STKLD1: variants seen among roughly 807,000 people sequenced by gnomAD.
STKLD1 encodes the protein serine/threonine kinase-like domain-containing protein STKLD1.
In STKLD1, 79 loss-of-function variants were observed where a neutral mutation model predicts 80.4. The observed-to-expected ratio is 0.98, with a 90% CI of 0.82 to 1.19. The LOEUF (loss-of-function observed/expected upper bound fraction) is 1.19, where lower values mean the gene tolerates loss of function less well. STKLD1 is among the 50% of genes most tolerant of loss of function. STKLD1 has a pLI of 0.00. For synonymous variants in STKLD1, 393 were observed against 357.6 expected (o/e 1.10, Z -1.12); for missense variants, 841 against 856.0 (o/e 0.98, Z 0.22).
chr9:133,400,063 T>A (rs970574396), intron 11 of STKLD1, among the ~76,000 whole-genome samples: 5 of 152,062 alleles, frequency 3.3e-5, no homozygotes, highest in African/African-American at 1.2e-4. Context: ...CACCCACCCA[T>A]GTCCACCCTC....
chr9:133,388,654 C>T (rs188794537), intron 5 of STKLD1: 26 of 751,816 alleles, frequency 3.5e-5, no homozygotes, highest in Non-Finnish European at 4.1e-5. Flanking sequence ...GTTTAAGAAG[C>T]ATTTCCTGCT....
intron 17 of STKLD1, 105 bp downstream of exon 17, chr9:133,405,034 C>A (rs1564387058): frequency 1.3e-6 from 2 of 1,492,776 alleles, no homozygotes; most frequent in East Asian, 4.6e-5. Flanking sequence ...TGGGCTCAAC[C>A]CCACTTCTCG....
At chr9:133,383,246 ATGG>A (rs1428012358) in intron 2 of STKLD1, among the ~76,000 whole-genome samples, 2 of 119,260 alleles carry the variant, frequency 1.7e-5, no homozygotes, top group Non-Finnish European at 3.6e-5. Flanking sequence ...GATGATGGTG[ATGG>A]TGGTGGTGTT....
intron 1 of STKLD1, among the ~76,000 whole-genome samples, chr9:133,377,916 T>G (rs1838035564): frequency 6.6e-6 from 1 of 152,180 alleles, no homozygotes; most frequent in African/African-American, 2.4e-5. Context: ...CTCGGGATGA[T>G]GGGAGACAGT....
rs140591493 is a variant in STKLD1, at chr9:133,405,520, A to G, written c.*99A>G. The G allele has an allele frequency of 8.8e-5, 110 of 1,254,638 alleles. No individual in the cohort carries two copies. In the East Asian group the frequency reaches 2.6e-3, roughly 29 times the overall value. 77.7% of individuals were successfully genotyped at this position (1,254,638 alleles called of 1,614,324 possible). On this transcript the variant is annotated 3_prime_UTR_variant, in exon 18 of 18. Coordinates refer to ENST00000371957, the MANE Select transcript of STKLD1 (RefSeq NM_153710.5). ...CATCTCTATGACTGGGCCAAAATCA[A>G]TCTTAAACGGGAGGGGTAATCAGAC...
chr9:133,382,602 ATGG>A (rs2130269720), intron 2 of STKLD1, among the ~76,000 whole-genome samples: 88 of 145,356 alleles, frequency 6.1e-4, no homozygotes, highest in African/African-American at 2.0e-3. Flanking sequence ...GATGATGGTG[ATGG>A]TGGTCATGGT....
chr9:133,402,026 C>A, intron 13 of STKLD1, 148 bp downstream of exon 13: 2 of 969,342 alleles, frequency 2.1e-6, no homozygotes, highest in Non-Finnish European at 3.0e-6. Flanking sequence ...TGGCCGTCTT[C>A]ATTTGGCCAC....
In STKLD1 at chr9:133,390,622, G is replaced by A. The variant is rs972791671; in HGVS notation, c.468-59G>A. 20 of 1,313,550 alleles carry A rather than the reference G, an allele frequency of 1.5e-5. No individual in the cohort carries two copies. Among genetic ancestry groups the A allele is most frequent in the Admixed American group, 5.1e-5 (3 of 59,230 alleles). The allele number at this position is 1,313,550 out of a possible 1,614,324, so 81.4% of individuals were successfully genotyped here. A position where few individuals can be genotyped will look rare whatever the true frequency, so the allele number is the denominator to read the frequency against. On this transcript the variant is annotated intron_variant, in intron 6 of 17. Transcript: ENST00000371957. The surrounding 1 kb of genome is among the most constrained non-coding windows in gnomAD (Gnocchi z 5.1). The stretch of plus-strand genomic sequence containing the variant: ...ACACTGGTCCCACCTGGGGTTGTGG[G>A]TGGTGGCTGCCCAGGTGGCCCCTTG...
rs1469358055 is a variant in STKLD1, at chr9:133,389,401, T to C, written c.397-125T>C. 2 of 1,479,782 alleles carry C rather than the reference T, an allele frequency of 1.4e-6. No individual in the cohort carries two copies. The highest frequency in any genetic ancestry group is 1.4e-5 in the African/African-American group (1 of 71,874). The allele number at this position is 1,479,782 out of a possible 1,614,324, so 91.7% of individuals were successfully genotyped here. On this transcript the variant is annotated intron_variant, in intron 5 of 17. Coordinates refer to ENST00000371957, the MANE Select transcript of STKLD1 (RefSeq NM_153710.5). The surrounding 1 kb of genome is among the most constrained non-coding windows in gnomAD (Gnocchi z 6.4). ...CCTCCACCCTGAGCGCTTGGCTGGCTTCAGGCCTGTCTCAAGATGCAAGGA... is the reference window on the plus strand; with the variant it reads ...CCTCCACCCTGAGCGCTTGGCTGGCCTCAGGCCTGTCTCAAGATGCAAGGA...
In STKLD1 at chr9:133,376,486, G is replaced by C; in HGVS notation, c.13G>C (p.Gly5Arg). ...GTCGCTACTGATCATGCTTGGGCCAGGGTCCAATCGCAGGCGCCCCACGCA... is the reference window on the plus strand; with the variant it reads ...GTCGCTACTGATCATGCTTGGGCCACGGTCCAATCGCAGGCGCCCCACGCA... Reference protein sequence around the residue: MLGPGSNRRRPTQGE... With the variant: MLGPRSNRRRPTQGE... The change falls in exon 1 of 18, where the codon GGG becomes CGG. Residue 5 changes from glycine to arginine, a missense_variant. Physicochemically the swap from Gly to Arg is moderately radical, Grantham distance 125. Coordinates refer to ENST00000371957, the MANE Select transcript of STKLD1 (RefSeq NM_153710.5). 1.3e-6 allele frequency: 2 copies of C among 1,593,302 alleles called. No individual in the cohort carries two copies. Among genetic ancestry groups the C allele is most frequent in the African/African-American group, 1.3e-5 (1 of 74,422 alleles).
chr9:133,405,464 T>G lies in STKLD1; in HGVS notation c.*43T>G, dbSNP rs916015633. 1.3e-6 allele frequency: 2 copies of G among 1,534,312 alleles called. No homozygotes were observed. The highest frequency in any genetic ancestry group is 2.8e-5 in the African/African-American group (2 of 72,656). ...ACCTTGATCTCCACGTGTATAGTTT[T>G]CAAGACTGCTCTCCTGCCTGCCTAT... On this transcript the variant is annotated 3_prime_UTR_variant, in exon 18 of 18. Transcript: ENST00000371957.
chr9:133,398,296 G>A (rs901175820), intron 11 of STKLD1, among the ~76,000 whole-genome samples: 1 of 152,230 alleles, frequency 6.6e-6, no homozygotes, highest in Non-Finnish European at 1.5e-5. Context: ...TGGAGCCACA[G>A]ACATCCCATC....
chr9:133,394,210 G>A lies in STKLD1; in HGVS notation c.584-81G>A, dbSNP rs956643015. 26 of 942,708 alleles carry A rather than the reference G, an allele frequency of 2.8e-5. No homozygotes were observed. Among genetic ancestry groups the A allele is most frequent in the Non-Finnish European group, 4.4e-5 (25 of 570,686 alleles). The allele number at this position is 942,708 out of a possible 1,614,324, so 58.4% of individuals were successfully genotyped here. A position where few individuals can be genotyped will look rare whatever the true frequency, so the allele number is the denominator to read the frequency against. ...GCGGGGGGCCACCAAAGGGGATACA[G>A]TGCTGGGCAGGGTGACTCTGTCAAG... is the stretch of plus-strand genomic sequence containing the variant. On this transcript the variant is annotated intron_variant, in intron 7 of 17. Transcript: ENST00000371957. The surrounding 1 kb of genome is among the most constrained non-coding windows in gnomAD (Gnocchi z 4.9).
rs1185743806 is a variant in STKLD1 at position 133,385,394 on chromosome 9, T to C, written c.220-223T>C. Among the ~76,000 whole-genome samples the C allele has an allele frequency of 2.6e-5, 4 of 152,106 alleles. No homozygotes were observed. The highest frequency in any genetic ancestry group is 2.6e-4 in the Admixed American group (4 of 15,272). On this transcript the variant is annotated intron_variant, in intron 3 of 17. Coordinates refer to ENST00000371957, the MANE Select transcript of STKLD1 (RefSeq NM_153710.5). The surrounding 1 kb of genome is among the most constrained non-coding windows in gnomAD (Gnocchi z 4.9). ...ACTAGGACCCCCATTTTCAGATGAC[T>C]ATATGAGGCCCAGTCACCCAGCACA...
intron 14 of STKLD1, among the ~76,000 whole-genome samples, chr9:133,403,232 G>T (rs887068352): frequency 6.6e-6 from 1 of 152,262 alleles, no homozygotes; most frequent in African/African-American, 2.4e-5. Flanking sequence ...GGCAGAGGCC[G>T]GGTTTCAGGA....
rs2130248299 is a variant in STKLD1 at position 133,376,477 on chromosome 9, C to T, written c.4C>T (p.Leu2Phe). Residue 2 changes from leucine (L) to phenylalanine (F), a missense_variant, in exon 1 of 18, where the codon CTT (leucine) becomes TTT (phenylalanine). Physicochemically the swap from Leu to Phe is conservative, Grantham distance 22. Transcript: ENST00000371957. M[L>F]GPGSNRRRPT... ...CCGTACGCGGTCGCTACTGATCATG[C>T]TTGGGCCAGGGTCCAATCGCAGGCG... The T allele has an allele frequency of 1.9e-6, 3 of 1,588,424 alleles. No individual in the cohort carries two copies. Among genetic ancestry groups the T allele is most frequent in the Non-Finnish European group, 2.6e-6 (3 of 1,169,736 alleles).
At chr9:133,376,611 C>A (rs2130250029) in intron 1 of STKLD1, 51 bp downstream of exon 1, 15 of 1,487,506 alleles carry the variant, frequency 1.0e-5, no homozygotes, top group Non-Finnish European at 1.4e-5. Flanking sequence ...GTAACGGTCG[C>A]AACCCTGGAG....
chr9:133,376,509 G>C lies in STKLD1; in HGVS notation c.36G>C (p.Thr12=). The change falls in exon 1 of 18, where the codon ACG becomes ACC. Residue 12 remains threonine, a synonymous_variant. Coordinates refer to ENST00000371957, the MANE Select transcript of STKLD1 (RefSeq NM_153710.5). ...CAGGGTCCAATCGCAGGCGCCCCAC[G>C]CAGGGGGAGCGAGGCCCAGGGTCCC... is the stretch of plus-strand genomic sequence containing the variant. ...LGPGSNRRRP[T]QGERGPGSPG... 1 of 1,599,926 alleles carries C rather than the reference G, an allele frequency of 6.3e-7. No homozygotes were observed. The highest frequency in any genetic ancestry group is 1.7e-5 in the Admixed American group (1 of 58,110).
In STKLD1 at chr9:133,376,442, G is replaced by C. The variant is rs1383356019; in HGVS notation, c.-32G>C. 4 of 1,545,350 alleles carry C rather than the reference G, an allele frequency of 2.6e-6. No homozygotes were observed. The African/African-American group carries it at 5.6e-5, about 21-fold the overall frequency. On this transcript the variant is annotated 5_prime_UTR_variant, in exon 1 of 18. Coordinates refer to ENST00000371957, the MANE Select transcript of STKLD1 (RefSeq NM_153710.5). ...ACCCACGCGGGGTGGGGCCAGGGGT[G>C]GACGCTCGCCCGTACGCGGTCGCTA...
Sources: allele counts gnomAD v4.1 joint callset (sites outside exome capture counted in the v4.1 genomes callset), GRCh38; gene constraint gnomAD v4.1.1; non-coding constraint Gnocchi (gnomAD v3.1); transcripts MANE v1.5; gene names NCBI Gene and HGNC (gene_info 2026-07-23, HGNC 2026-07-21).